Variants in SCHIP1 observed in about 807,000 individuals in gnomAD.
SCHIP1 encodes schwannomin-interacting protein 1.
In SCHIP1, 8 loss-of-function variants were observed where a neutral mutation model predicts 29.7. The observed-to-expected ratio is 0.27, with a 90% CI of 0.16 to 0.49. The LOEUF is 0.49. Ranked by LOEUF, SCHIP1 falls within the 20% of genes least tolerant of loss-of-function variation. The pLI is 0.99. For missense variants in SCHIP1, 193 were observed against 294.6 expected (o/e 0.66, Z 2.52); for synonymous variants, 76 against 94.9 (o/e 0.80, Z 1.16).
At chr3:159,628,657 C>T in the SCHIP1 span, among the ~76,000 whole-genome samples, 4 of 152,044 alleles carry the variant, frequency 2.6e-5, no homozygotes, top group African/African-American at 9.7e-5. Flanking sequence ...AAAGGTATAC[C>T]TGTTTATTTA....
chr3:159,425,017 G>A, the SCHIP1 span, among the ~76,000 whole-genome samples: 59 of 151,736 alleles, frequency 3.9e-4, 1 homozygote, highest in African/African-American at 1.4e-3. Flanking sequence ...CACCAGGCCT[G>A]CCTTAAAAGA....
chr3:159,328,768 T>C, the SCHIP1 span, among the ~76,000 whole-genome samples: 1 of 152,136 alleles, frequency 6.6e-6, no homozygotes, highest in Admixed American at 6.5e-5. Context: ...AATCAGCGAA[T>C]GGTTTTAAAC....
the SCHIP1 span, among the ~76,000 whole-genome samples, chr3:159,568,581 C>A: frequency 6.6e-6 from 1 of 152,036 alleles, no homozygotes; most frequent in Non-Finnish European, 1.5e-5. Flanking sequence ...TGTCTTGATG[C>A]ACTTTCTAAT....
intron 1 of SCHIP1, among the ~76,000 whole-genome samples, chr3:159,857,750 T>G (rs745905370): frequency 3.3e-5 from 5 of 152,210 alleles, no homozygotes; most frequent in Non-Finnish European, 5.9e-5. Flanking sequence ...AGCTACCACT[T>G]TATAAATTTC....
At chr3:159,630,011 G>A in the SCHIP1 span, among the ~76,000 whole-genome samples, 2 of 152,144 alleles carry the variant, frequency 1.3e-5, no homozygotes. Context: ...GGGGTAAGAA[G>A]GAAATAAGGC....
the SCHIP1 span, among the ~76,000 whole-genome samples, chr3:159,621,070 C>G: frequency 6.6e-6 from 1 of 151,992 alleles, no homozygotes; most frequent in East Asian, 1.9e-4. Flanking sequence ...TCATCTATTA[C>G]TCACTATGAT....
chr3:159,484,527 A>T, the SCHIP1 span, among the ~76,000 whole-genome samples: 3 of 152,172 alleles, frequency 2.0e-5, no homozygotes, highest in Non-Finnish European at 2.9e-5. Context: ...GAATCAAGTG[A>T]GTATGTCATT....
the SCHIP1 span, among the ~76,000 whole-genome samples, chr3:159,474,580 AAT>A: frequency 5.3e-3 from 809 of 152,274 alleles, 8 homozygotes; most frequent in African/African-American, 0.018. Context: ...TTAATAATAG[AAT>A]ATATGTAAAT....
At chr3:159,515,198 T>TAA in the SCHIP1 span, among the ~76,000 whole-genome samples, 1,021 of 143,362 alleles carry the variant, frequency 7.1e-3, 14 homozygotes, top group African/African-American at 0.023. Flanking sequence ...AAGTGGTTAT[T>TAA]AAAAAAAAAA....
the SCHIP1 span, among the ~76,000 whole-genome samples, chr3:159,464,323 G>A: frequency 6.6e-6 from 1 of 152,160 alleles, no homozygotes. Flanking sequence ...GTTCTGGTGA[G>A]CTCTTGGCCA....
chr3:159,547,317 C>G, the SCHIP1 span, among the ~76,000 whole-genome samples: 2 of 152,102 alleles, frequency 1.3e-5, no homozygotes, highest in East Asian at 3.9e-4. Flanking sequence ...AATATTAGAA[C>G]TTTGTCAGAT....
the SCHIP1 span, among the ~76,000 whole-genome samples, chr3:159,467,337 C>A: frequency 6.6e-6 from 1 of 152,026 alleles, no homozygotes; most frequent in Non-Finnish European, 1.5e-5. Context: ...CTACAGTGAG[C>A]ATCCTTGTAC....
the SCHIP1 span, among the ~76,000 whole-genome samples, chr3:159,652,211 A>G: frequency 2.0e-5 from 3 of 152,210 alleles, no homozygotes; most frequent in South Asian, 4.1e-4. Flanking sequence ...AGGATTTGTT[A>G]GAACACCTTC....
the SCHIP1 span, among the ~76,000 whole-genome samples, chr3:159,804,620 G>A: frequency 6.6e-6 from 1 of 152,292 alleles, no homozygotes. Context: ...CAGATCACTT[G>A]CTACCACATT....
At chr3:159,438,338 A>G in the SCHIP1 span, among the ~76,000 whole-genome samples, 8 of 152,234 alleles carry the variant, frequency 5.3e-5, no homozygotes, top group African/African-American at 1.7e-4. Flanking sequence ...CACATTTTCT[A>G]GAAGGACTAA....
chr3:159,418,352 A>T, the SCHIP1 span, among the ~76,000 whole-genome samples: 1 of 152,156 alleles, frequency 6.6e-6, no homozygotes, highest in African/African-American at 2.4e-5. Context: ...CACTGATCCA[A>T]AGGATACATT....
chr3:159,555,195 CA>C, the SCHIP1 span, among the ~76,000 whole-genome samples: 1 of 151,974 alleles, frequency 6.6e-6, no homozygotes, highest in African/African-American at 2.4e-5. Flanking sequence ...CTCTGACTAC[CA>C]AAAGATACAA....
chr3:159,621,301 A>G, the SCHIP1 span, among the ~76,000 whole-genome samples: 12 of 152,252 alleles, frequency 7.9e-5, no homozygotes, highest in African/African-American at 2.4e-4. Context: ...TGTAAGTACC[A>G]TAATGGGAGG....
the SCHIP1 span, among the ~76,000 whole-genome samples, chr3:159,592,129 C>T: frequency 6.6e-6 from 1 of 152,036 alleles, no homozygotes; most frequent in Non-Finnish European, 1.5e-5. Flanking sequence ...GCTGCTATCC[C>T]AGAGACCTTA....
Sources: gnomAD v4.1 joint callset for allele counts (sites outside exome capture counted in the v4.1 genomes callset) on GRCh38, gnomAD v4.1.1 for gene constraint, MANE v1.5 for transcripts, NCBI Gene and HGNC (gene_info 2026-07-23, HGNC 2026-07-21) for gene names.